TBC1D22A: variants seen among roughly 807,000 people sequenced by gnomAD.
The protein encoded by TBC1D22A is putative GTPase activator.
TBC1D22A carries 38 observed loss-of-function variants against 60.2 expected under a neutral mutation model. That is an observed-to-expected ratio of 0.63 (90% CI 0.49 to 0.83). The LOEUF (loss-of-function observed/expected upper bound fraction) is 0.83. Ranked by LOEUF, TBC1D22A falls within the 40% of genes least tolerant of loss-of-function variation. The probability of loss-of-function intolerance (pLI) is 0.00; values close to 1 mark genes in which losing one functional copy is unlikely to be tolerated. For synonymous variants in TBC1D22A, 302 were observed against 281.7 expected, an observed-to-expected ratio of 1.07 and a Z score of -0.72; for missense variants, 628 against 701.0, an observed-to-expected ratio of 0.90 and a Z score of 1.18.
intron 4 of TBC1D22A, among the ~76,000 whole-genome samples, chr22:46,821,010 G>A (rs2085803339): frequency 1.4e-5 from 2 of 147,378 alleles, no homozygotes; most frequent in Non-Finnish European, 1.5e-5. Context: ...GATCTTTGTT[G>A]GTTTAAAGTC....
intron 1 of TBC1D22A, among the ~76,000 whole-genome samples, chr22:46,771,644 G>C (rs2083483155): frequency 6.6e-6 from 1 of 151,608 alleles, no homozygotes; most frequent in South Asian, 2.1e-4. Context: ...GCCCAGGCTG[G>C]AGTGGAGTGG....
intron 10 of TBC1D22A, among the ~76,000 whole-genome samples, chr22:47,023,225 T>A (rs1482380665): frequency 5.9e-5 from 9 of 152,228 alleles, no homozygotes; most frequent in Non-Finnish European, 4.4e-5. Context: ...AGACCATGTC[T>A]TAAATGAAAA....
chr22:46,789,630 T>G (rs1272148225), intron 1 of TBC1D22A, among the ~76,000 whole-genome samples: 3 of 152,200 alleles, frequency 2.0e-5, no homozygotes, highest in African/African-American at 7.2e-5. Context: ...TAATATGTTG[T>G]GCTGCAGGCA....
chr22:46,781,221 T>A (rs1350758150), intron 1 of TBC1D22A, among the ~76,000 whole-genome samples: 1 of 151,574 alleles, frequency 6.6e-6, no homozygotes, highest in Admixed American at 6.6e-5. Context: ...GTGTCACTGC[T>A]GGAGTGCAGT....
intron 4 of TBC1D22A, among the ~76,000 whole-genome samples, chr22:46,864,883 C>T (rs1163348760): frequency 1.3e-5 from 2 of 152,142 alleles, no homozygotes; most frequent in Non-Finnish European, 2.9e-5. Flanking sequence ...CGTGATCGAC[C>T]GAGTGAGTGA....
At chr22:46,974,046 TATTA>T (rs1444514266) in intron 8 of TBC1D22A, among the ~76,000 whole-genome samples, 1 of 152,266 alleles carries the variant, frequency 6.6e-6, no homozygotes, top group African/African-American at 2.4e-5. Context: ...GTTTATAATG[TATTA>T]ATTATGTTAA....
At chr22:47,088,080 A>AAAAAAT (rs1556150089) in intron 11 of TBC1D22A, among the ~76,000 whole-genome samples, 1 of 121,390 alleles carries the variant, frequency 8.2e-6, no homozygotes, top group Non-Finnish European at 1.7e-5. Flanking sequence ...CTCAAATAAA[A>AAAAAAT]AATAATAATA....
At chr22:46,814,410 C>G (rs1373783568) in intron 4 of TBC1D22A, among the ~76,000 whole-genome samples, 1 of 152,206 alleles carries the variant, frequency 6.6e-6, no homozygotes, top group African/African-American at 2.4e-5. Context: ...AGGGCTCAAA[C>G]TTAGGAATGT....
chr22:46,982,152 G>A (rs1301998832), intron 9 of TBC1D22A, among the ~76,000 whole-genome samples: 2 of 152,094 alleles, frequency 1.3e-5, no homozygotes, highest in African/African-American at 4.8e-5. Context: ...CTTGTGGCCT[G>A]CACCAGGTAC....
At chr22:47,152,546 G>A (rs1020708379) in intron 12 of TBC1D22A, among the ~76,000 whole-genome samples, 10 of 152,232 alleles carry the variant, frequency 6.6e-5, no homozygotes, top group African/African-American at 2.2e-4. Context: ...AACCCCCCAC[G>A]TAGCTGGTCC....
At chr22:46,989,786 C>CACACACACACACAA (rs1032013386) in intron 9 of TBC1D22A, among the ~76,000 whole-genome samples, 7 of 151,244 alleles carry the variant, frequency 4.6e-5, no homozygotes, top group South Asian at 4.2e-4. Flanking sequence ...CACACACACA[C>CACACACACACACAA]AATAAATAAA....
At chr22:46,825,885 CTT>C (rs139593) in intron 4 of TBC1D22A, among the ~76,000 whole-genome samples, 13 of 141,684 alleles carry the variant, frequency 9.2e-5, no homozygotes, top group Non-Finnish European at 9.2e-5. Context: ...TGGTGGTCTT[CTT>C]TTTTTTTTTT....
chr22:47,119,498 ATT>A (rs112201242), intron 12 of TBC1D22A, among the ~76,000 whole-genome samples: 4 of 142,378 alleles, frequency 2.8e-5, no homozygotes, highest in Non-Finnish European at 4.6e-5. Context: ...AGACTGGGTA[ATT>A]TTTTTTTTTT....
At chr22:46,957,689 G>T (rs1025795062) in intron 8 of TBC1D22A, among the ~76,000 whole-genome samples, 3 of 152,232 alleles carry the variant, frequency 2.0e-5, no homozygotes. Context: ...TGAGGACAGC[G>T]TGGGCCAGCT....
At chr22:47,122,330 A>G (rs933073543) in intron 12 of TBC1D22A, among the ~76,000 whole-genome samples, 1 of 152,188 alleles carries the variant, frequency 6.6e-6, no homozygotes, top group Admixed American at 6.5e-5. Context: ...CCTGTAGATG[A>G]CATAAGGGCC....
At chr22:46,786,849 C>T (rs2084179196) in intron 1 of TBC1D22A, among the ~76,000 whole-genome samples, 1 of 151,988 alleles carries the variant, frequency 6.6e-6, no homozygotes, top group Non-Finnish European at 1.5e-5. Flanking sequence ...CCACCATGCC[C>T]ACTAGTTTTT....
At chr22:47,045,834 G>T (rs1453164309) in intron 11 of TBC1D22A, among the ~76,000 whole-genome samples, 2 of 152,104 alleles carry the variant, frequency 1.3e-5, no homozygotes, top group Non-Finnish European at 2.9e-5. Context: ...ATTGGTGTGG[G>T]GCTTGGTTTT....
At chr22:47,033,199 G>C (rs1221624087) in intron 10 of TBC1D22A, among the ~76,000 whole-genome samples, 1 of 152,242 alleles carries the variant, frequency 6.6e-6, no homozygotes, top group Non-Finnish European at 1.5e-5. Flanking sequence ...GAGGGGCATG[G>C]GCAGAGGTCA....
At chr22:47,008,932 G>T (rs1364466594) in intron 10 of TBC1D22A, among the ~76,000 whole-genome samples, 1 of 152,210 alleles carries the variant, frequency 6.6e-6, no homozygotes, top group Non-Finnish European at 1.5e-5. Context: ...GCAACAATGG[G>T]AGATTTTGGT....
Sources: gnomAD v4.1 joint callset for allele counts (sites outside exome capture counted in the v4.1 genomes callset) on GRCh38, gnomAD v4.1.1 for gene constraint, MANE v1.5 for transcripts, NCBI Gene and HGNC (gene_info 2026-07-23, HGNC 2026-07-21) for gene names.